The following RAB3IP variants were observed in gnomAD, a reference collection of about 807,000 sequenced individuals.
RAB3IP encodes the protein rab-3A-interacting protein.
Under a neutral mutation model 59.1 loss-of-function variants are expected in RAB3IP, and 36 were observed. That is an observed-to-expected ratio of 0.61 (90% confidence interval 0.47 to 0.80). RAB3IP has a LOEUF of 0.80. RAB3IP is among the 30% of genes least tolerant of loss of function. RAB3IP has a pLI of 0.00. For synonymous variants in RAB3IP, 207 were observed against 191.2 expected (o/e 1.08, Z -0.68); for missense variants, 511 against 536.0 (o/e 0.95, Z 0.46).
chr12:69,769,820 A>G (rs1265402834), intron 3 of RAB3IP, among the ~76,000 whole-genome samples: 2 of 152,186 alleles, frequency 1.3e-5, no homozygotes, highest in African/African-American at 2.4e-5. Flanking sequence ...ATTTTTTTCA[A>G]CTAACATCTC....
chr12:69,799,873 T>C (rs1172775380), intron 6 of RAB3IP, among the ~76,000 whole-genome samples: 1 of 152,160 alleles, frequency 6.6e-6, no homozygotes, highest in Non-Finnish European at 1.5e-5. Flanking sequence ...CCAGCATTTT[T>C]GGTGGGGATG....
At chr12:69,812,743 AT>A in intron 8 of RAB3IP, 34 bp from the exon 9 acceptor site, 1 of 1,469,040 alleles carries the variant, frequency 6.8e-7, no homozygotes, top group Non-Finnish European at 9.4e-7. Flanking sequence ...AATGCTTTTC[AT>A]TTCAAAAAAC....
intron 3 of RAB3IP, among the ~76,000 whole-genome samples, chr12:69,759,612 G>A (rs1397403773): frequency 1.4e-4 from 20 of 147,484 alleles, no homozygotes; most frequent in Non-Finnish European, 2.1e-4. Context: ...GGGCGGAGGC[G>A]CCCCCCACCT....
At chr12:69,780,681 C>A (rs1350742440) in intron 3 of RAB3IP, among the ~76,000 whole-genome samples, 2 of 152,198 alleles carry the variant, frequency 1.3e-5, no homozygotes, top group African/African-American at 4.8e-5. Context: ...AAACTGGGCC[C>A]ATGGCTGGGT....
chr12:69,759,339 A>G (rs1409171742), intron 3 of RAB3IP, among the ~76,000 whole-genome samples: 7 of 151,890 alleles, frequency 4.6e-5, no homozygotes, highest in Admixed American at 4.6e-4. Context: ...AGGCAGAAGA[A>G]TTTTTCTTAG....
intron 10 of RAB3IP, 21 bp from the exon 11 acceptor site, chr12:69,815,341 ATC>A (rs139555957): frequency 0.088 from 131,380 of 1,500,242 alleles, 10,072 homozygotes; most frequent in East Asian, 0.43. Flanking sequence ...TGATTTAAAT[ATC>A]TCTCTTTTCT....
At chr12:69,762,824 T>C (rs1470681417) in intron 3 of RAB3IP, among the ~76,000 whole-genome samples, 2 of 150,680 alleles carry the variant, frequency 1.3e-5, no homozygotes, top group Non-Finnish European at 3.0e-5. Flanking sequence ...TGAAATGACT[T>C]AGAAAATAAA....
intron 8 of RAB3IP, among the ~76,000 whole-genome samples, chr12:69,808,803 G>C (rs1293591944): frequency 7.9e-5 from 12 of 152,142 alleles, no homozygotes; most frequent in African/African-American, 1.2e-4. Flanking sequence ...TTCTGCACAT[G>C]AGATGGGTTT....
At chr12:69,787,057 C>CT (rs1426341688) in intron 4 of RAB3IP, among the ~76,000 whole-genome samples, 6 of 152,096 alleles carry the variant, frequency 3.9e-5, no homozygotes, top group African/African-American at 1.4e-4. Context: ...TGAAAAGATT[C>CT]TTTTTTTGCA....
At chr12:69,773,399 C>CTTTTT (rs71437123) in intron 3 of RAB3IP, among the ~76,000 whole-genome samples, 1,159 of 47,978 alleles carry the variant, frequency 0.024, 12 homozygotes, top group East Asian at 0.026. Context: ...ATTTGTCTTT[C>CTTTTT]TTTTTTTTTT....
At chr12:69,791,144 A>G (rs11177853) in intron 4 of RAB3IP, among the ~76,000 whole-genome samples, 7,293 of 152,268 alleles carry the variant, frequency 0.048, 251 homozygotes, top group South Asian at 0.13. Flanking sequence ...CCACATGCAA[A>G]TGAACGAAAT....
intron 1 of RAB3IP, chr12:69,739,633 C>A: frequency 1.7e-6 from 1 of 600,102 alleles, no homozygotes; most frequent in Admixed American, 3.0e-5. Flanking sequence ...TGGGAAATTC[C>A]GGGCAGGCGC....
intron 8 of RAB3IP, among the ~76,000 whole-genome samples, chr12:69,810,016 C>T (rs1198044639): frequency 2.0e-5 from 3 of 152,150 alleles, no homozygotes; most frequent in Non-Finnish European, 2.9e-5. Context: ...GTTTTTTCCC[C>T]ATCTTTGTGG....
chr12:69,783,806 T>C (rs1213734328), intron 3 of RAB3IP, among the ~76,000 whole-genome samples: 1 of 152,234 alleles, frequency 6.6e-6, no homozygotes, highest in East Asian at 1.9e-4. Flanking sequence ...CTGGTGATCA[T>C]GCATTGTGAG....
chr12:69,772,028 T>C (rs1187380771), intron 3 of RAB3IP, among the ~76,000 whole-genome samples: 1 of 152,148 alleles, frequency 6.6e-6, no homozygotes, highest in Non-Finnish European at 1.5e-5. Context: ...TTTCTGGGAG[T>C]GAGTGAGTAC....
intron 8 of RAB3IP, among the ~76,000 whole-genome samples, chr12:69,802,886 C>T (rs1592600629): frequency 6.6e-6 from 1 of 152,206 alleles, no homozygotes; most frequent in Admixed American, 6.5e-5. Flanking sequence ...CTCGCTCCCT[C>T]AAGCCACACG....
At chr12:69,806,859 T>G (rs935974906) in intron 8 of RAB3IP, among the ~76,000 whole-genome samples, 1 of 152,138 alleles carries the variant, frequency 6.6e-6, no homozygotes, top group East Asian at 1.9e-4. Flanking sequence ...AACCCTGAGT[T>G]GACACAGCAC....
chr12:69,764,154 T>C lies in RAB3IP; in HGVS notation c.510+7491T>C, dbSNP rs915251314. Among the ~76,000 whole-genome samples the C allele has an allele frequency of 4.6e-5, 7 of 152,222 alleles. No individual in the cohort carries two copies. The South Asian group carries it at 1.2e-3, about 27-fold the overall frequency. On this transcript the variant is annotated intron_variant, in intron 3 of 10. Transcript: ENST00000247833. ...ATGGGATTGCTGAGTTGAATGGTGG[T>C]AATTCTTTCCCAAGGCTGATGTCCA...
chr12:69,799,759 T>C (rs1592592473), intron 6 of RAB3IP, among the ~76,000 whole-genome samples: 1 of 152,190 alleles, frequency 6.6e-6, no homozygotes, highest in East Asian at 1.9e-4. Flanking sequence ...ATTCAGACAC[T>C]ATAATTAATT....
Sources: gnomAD v4.1 joint callset for allele counts (sites outside exome capture counted in the v4.1 genomes callset) on GRCh38, gnomAD v4.1.1 for gene constraint, MANE v1.5 for transcripts, NCBI Gene and HGNC (gene_info 2026-07-23, HGNC 2026-07-21) for gene names.